The following ZNF35 variants were observed in gnomAD, a reference collection of about 807,000 sequenced individuals.
ZNF35 encodes the protein zinc finger protein 35.
In ZNF35, 31 loss-of-function variants were observed where a neutral mutation model predicts 45.9. That is an observed-to-expected ratio of 0.68 (90% CI 0.51 to 0.91). The LOEUF is 0.91. Among genes scored for constraint, ZNF35 ranks in the 40% least tolerant of loss-of-function variants. ZNF35 has a pLI of 0.00. For synonymous variants in ZNF35, 205 were observed against 220.2 expected, an observed-to-expected ratio of 0.93 and a Z score of 0.61; for missense variants, 515 against 625.4, an observed-to-expected ratio of 0.82 and a Z score of 1.88.
chr3:44,657,458 C>T (rs766555290), intron 3 of ZNF35, among the ~76,000 whole-genome samples: 5 of 152,174 alleles, frequency 3.3e-5, no homozygotes, highest in African/African-American at 4.8e-5. Context: ...TGTGCCAAAA[C>T]TGGATTACAT....
chr3:44,659,529 CAT>C lies in ZNF35; in HGVS notation c.1169_1170del (p.Tyr390Ter), dbSNP rs761656735. On this transcript the variant is annotated frameshift_variant, in exon 4 of 4. Transcript: ENST00000396056. LOFTEE classifies it high-confidence loss of function. The surrounding 1 kb of genome is among the most constrained non-coding windows in gnomAD (Gnocchi z 4.3). The stretch of plus-strand genomic sequence containing the variant: ...CAGCGAAGCCATACTGGTGAGAAGC[CAT>C]ATGAGTGTAAAGAGTGTGGGAAAGC... 16 of 1,614,016 alleles carry C rather than the reference CAT, an allele frequency of 9.9e-6. No homozygotes were observed. In the East Asian group the frequency reaches 2.7e-4, roughly 27 times the overall value.
chr3:44,646,805 G>A (rs992621640), upstream of ZNF35: 1 of 358,428 alleles, frequency 2.8e-6, no homozygotes, highest in Non-Finnish European at 5.1e-6. Context: ...TCACATAAAT[G>A]GCCAATTGAT....
In ZNF35 at chr3:44,654,230, G is replaced by A. The variant is rs115717367; in HGVS notation, c.337+1529G>A. On this transcript the variant is annotated intron_variant, in intron 3 of 3. Coordinates refer to ENST00000396056, the MANE Select transcript of ZNF35 (RefSeq NM_003420.4). ...GTTCATACCCAAGACTTAGTATTTT[G>A]TGCTGCCAGCTATTTCCATGGCGAT... is the stretch of plus-strand genomic sequence containing the variant. Among the ~76,000 whole-genome samples the A allele has an allele frequency of 8.8e-3, 1,335 of 152,222 alleles. 22 individuals carry two copies. Among genetic ancestry groups the A allele is most frequent in the African/African-American group, 0.031 (1,277 of 41,510 alleles).
upstream of ZNF35, chr3:44,648,315 T>TA (rs1703077651): frequency 6.6e-6 from 1 of 152,176 alleles, no homozygotes; most frequent in Non-Finnish European, 1.5e-5. Flanking sequence ...TTTACAACTT[T>TA]CAAAAAAATG....
chr3:44,653,996 C>A (rs573516929), intron 3 of ZNF35, among the ~76,000 whole-genome samples: 1 of 152,318 alleles, frequency 6.6e-6, no homozygotes, highest in South Asian at 2.1e-4. Context: ...CCTAGATTTT[C>A]TTGTCTCATA....
At chr3:44,649,694 T>C (rs1339169350) in intron 1 of ZNF35, among the ~76,000 whole-genome samples, 1 of 151,998 alleles carries the variant, frequency 6.6e-6, no homozygotes, top group African/African-American at 2.4e-5. Context: ...TCTCTGATTA[T>C]TCTAAAGGAA....
At position 44,651,084 on chromosome 3, in the gene ZNF35, G is replaced by C. The variant is rs780171284; in HGVS notation, c.17G>C (p.Arg6Thr). The change falls in exon 2 of 4, where the codon AGA becomes ACA. Residue 6 changes from arginine (R) to threonine (T), a missense_variant. By Grantham distance (71) the Arg-to-Thr change is moderately conservative (BLOSUM62 -1). This residue lies in a region of ZNF35 where 275 missense variants were observed against 295.7 expected (regional missense o/e 0.93). Transcript: ENST00000396056. MTAEL[R>T]EAMALAPWGP... ...GCAGAGAAGATGACTGCAGAATTGA[G>C]AGAAGCCATGGCCCTAGCCCCATGG... 7 of 1,613,668 alleles carry C rather than the reference G, an allele frequency of 4.3e-6. No homozygotes were observed. Among genetic ancestry groups the C allele is most frequent in the Non-Finnish European group, 5.9e-6 (7 of 1,179,966 alleles).
At chr3:44,646,569 C>A, upstream of ZNF35, 1 of 1,024,676 alleles carries the variant, frequency 9.8e-7, no homozygotes, top group Non-Finnish European at 1.6e-6. Context: ...TGGAATATTG[C>A]ATAAGAAAGC....
intron 1 of ZNF35, 132 bp downstream of exon 1, chr3:44,648,966 G>C (rs935089977): frequency 6.6e-6 from 1 of 152,466 alleles, no homozygotes; most frequent in Non-Finnish European, 1.5e-5. Flanking sequence ...GGGTGCGGGG[G>C]GCAGTGAGTT....
rs1703356766 is a variant in ZNF35, at chr3:44,659,003, A to G, written c.640A>G (p.Lys214Glu). 1.9e-6 allele frequency: 3 copies of G among 1,614,258 alleles called. No individual in the cohort carries two copies. Among genetic ancestry groups the G allele is most frequent in the Non-Finnish European group, 2.5e-6 (3 of 1,180,040 alleles). The change falls in exon 4 of 4, where the codon AAA (lysine) becomes GAA (glutamate). Residue 214 changes from lysine (K) to glutamate (E), a missense_variant. Lys to Glu is a moderately conservative substitution (Grantham distance 56). Transcript: ENST00000396056. This position sits in a 1 kb window ranked among gnomAD's most constrained non-coding sequence, Gnocchi z 4.3. Reference protein sequence around the residue: ...SLNSGAVKNPKTQLGQKPFTC... With the variant: ...SLNSGAVKNPETQLGQKPFTC... ...TAATTCTGGCGCTGTTAAAAATCCA[A>G]AAACCCAGCTTGGACAAAAGCCTTT...
chr3:44,649,395 G>T lies in ZNF35; in HGVS notation c.-128+561G>T, dbSNP rs1408208539. ...GTATACAGTAAGTGGCCAGTAAGTTGACATGGGGAAAAGAGTATGATCACT... is the reference window on the plus strand; with the variant it reads ...GTATACAGTAAGTGGCCAGTAAGTTTACATGGGGAAAAGAGTATGATCACT... On this transcript the variant is annotated intron_variant, in intron 1 of 3. Coordinates refer to ENST00000396056, the MANE Select transcript of ZNF35 (RefSeq NM_003420.4). 2.6e-5 allele frequency among the ~76,000 whole-genome samples: 4 copies of T among 152,208 alleles called. No homozygotes were observed. The South Asian group carries it at 6.2e-4, about 24-fold the overall frequency.
At chr3:44,655,299 G>A (rs1049622589) in intron 3 of ZNF35, among the ~76,000 whole-genome samples, 3 of 151,738 alleles carry the variant, frequency 2.0e-5, no homozygotes, top group Admixed American at 6.6e-5. Flanking sequence ...GATAAACACA[G>A]CTGTTATAAA....
chr3:44,651,202 C>G lies in ZNF35; in HGVS notation c.135C>G (p.Val45=). Residue 45 remains valine, a synonymous_variant, in exon 2 of 4, where the codon GTC becomes GTG. Transcript: ENST00000396056. ...AAGTGCACTCCGAGAACATCAAAGT[C>G]TGGGCCCCAGTGCAGGGTCTTCAGA... ...SQQVHSENIK[V]WAPVQGLQTG... 6.2e-7 allele frequency: 1 copy of G among 1,614,092 alleles called. No homozygotes were observed. The highest frequency in any genetic ancestry group is 8.5e-7 in the Non-Finnish European group (1 of 1,180,020).
chr3:44,659,987 C>G lies in ZNF35; in HGVS notation c.*40C>G. ...GAAGACCTCCAGCATTGGTCATAAC[C>G]TTCTGCCTCCCTAATGAGACACCTC... On this transcript the variant is annotated 3_prime_UTR_variant, in exon 4 of 4. Coordinates refer to ENST00000396056, the MANE Select transcript of ZNF35 (RefSeq NM_003420.4). This position sits in a 1 kb window ranked among gnomAD's most constrained non-coding sequence, Gnocchi z 4.3. The G allele has an allele frequency of 6.6e-7, 1 of 1,505,298 alleles. No homozygotes were observed. The highest frequency in any genetic ancestry group is 1.4e-5 in the South Asian group (1 of 71,538). The allele number at this position is 1,505,298 out of a possible 1,614,324, so 93.2% of individuals were successfully genotyped here.
intron 2 of ZNF35, 106 bp from the exon 3 acceptor site, chr3:44,652,451 T>C: frequency 8.2e-7 from 1 of 1,217,238 alleles, no homozygotes; most frequent in Non-Finnish European, 1.1e-6. Flanking sequence ...TTAAAAATTG[T>C]TCTATGGCCT....
chr3:44,652,343 G>A (rs1294887872), intron 2 of ZNF35, among the ~76,000 whole-genome samples: 1 of 152,176 alleles, frequency 6.6e-6, no homozygotes, highest in Non-Finnish European at 1.5e-5. Flanking sequence ...AGTGAGCAGT[G>A]AGGTGCAATC....
At chr3:44,655,106 C>A (rs936724911) in intron 3 of ZNF35, among the ~76,000 whole-genome samples, 1 of 152,040 alleles carries the variant, frequency 6.6e-6, no homozygotes, top group African/African-American at 2.4e-5. Context: ...TGCACTCCAG[C>A]CTGGGCAATA....
upstream of ZNF35, chr3:44,647,581 T>C (rs908348091): frequency 2.6e-5 from 4 of 152,206 alleles, no homozygotes; most frequent in African/African-American, 9.7e-5. Context: ...TAAAACAAAT[T>C]GTGGTTTATG....
chr3:44,648,562 C>T (rs190908297), upstream of ZNF35: 10 of 152,330 alleles, frequency 6.6e-5, no homozygotes, highest in East Asian at 1.7e-3. Context: ...GGATGCGCCC[C>T]TCCCTGAGGC....
Sources: allele counts gnomAD v4.1 joint callset (sites outside exome capture counted in the v4.1 genomes callset), GRCh38; gene constraint gnomAD v4.1.1; regional missense constraint gnomAD v4.1.1; non-coding constraint Gnocchi (gnomAD v3.1); transcripts MANE v1.5; gene names NCBI Gene and HGNC (gene_info 2026-07-23, HGNC 2026-07-21).